The following TEX11 variants were observed in gnomAD, a reference collection of about 807,000 sequenced individuals.
TEX11 encodes testis-expressed protein 11.
In TEX11, 7 loss-of-function variants were observed where a neutral mutation model predicts 84.4. The observed-to-expected ratio is 0.08, with a 90% CI of 0.05 to 0.16. The LOEUF (loss-of-function observed/expected upper bound fraction) is 0.16. Ranked by LOEUF, TEX11 falls within the 10% of genes least tolerant of loss-of-function variation. TEX11 has a pLI of 1.00. For missense variants in TEX11, 551 were observed against 660.5 expected, an observed-to-expected ratio of 0.83 and a Z score of 1.82; for synonymous variants, 264 against 222.8, an observed-to-expected ratio of 1.18 and a Z score of -1.64.
At chrX:70,679,897 C>T (rs2090125688) in intron 14 of TEX11, among the ~76,000 whole-genome samples, 2 of 101,055 alleles carry the variant, frequency 2.0e-5, no homozygotes, top group African/African-American at 7.1e-5. Context: ...TGCCCGGCCG[C>T]CCCTACTGGG....
chrX:70,725,426 A>G (rs2090592171), intron 11 of TEX11, 83 bp from the exon 12 acceptor site: 1 of 614,135 alleles, frequency 1.6e-6, no homozygotes, highest in African/African-American at 2.2e-5. Context: ...GCTTTATTCA[A>G]CCACCTTGGG....
the TEX11 span, among the ~76,000 whole-genome samples, chrX:70,522,999 T>G: frequency 9.0e-6 from 1 of 110,577 alleles, no homozygotes; most frequent in Non-Finnish European, 1.9e-5. Flanking sequence ...ACAGAGGCCA[T>G]TTACAGCTTA....
intron 1 of TEX11, among the ~76,000 whole-genome samples, 164 bp downstream of exon 1, chrX:70,908,490 G>A (rs187010999): frequency 2.7e-5 from 3 of 112,381 alleles, no homozygotes; most frequent in East Asian, 2.8e-4. Context: ...ATCTTCGTTC[G>A]CCTTGAGAGC....
chrX:70,658,143 C>T (rs1004737646), intron 16 of TEX11, among the ~76,000 whole-genome samples: 1 of 111,527 alleles, frequency 9.0e-6, no homozygotes, highest in African/African-American at 3.3e-5. Context: ...GGTGGGGCGT[C>T]GTGACTCACA....
chrX:70,782,299 A>C, intron 9 of TEX11, among the ~76,000 whole-genome samples: 1 of 111,668 alleles, frequency 9.0e-6, no homozygotes, highest in Non-Finnish European at 1.9e-5. Context: ...AGCTTGCCTT[A>C]CAAGAGCTCC....
At chrX:70,848,640 C>G (rs2091491660) in intron 7 of TEX11, among the ~76,000 whole-genome samples, 2 of 111,866 alleles carry the variant, frequency 1.8e-5, no homozygotes, top group Non-Finnish European at 3.8e-5. Context: ...CACACATTTA[C>G]ATAATATATA....
rs1390175136 is a variant in TEX11, at chrX:70,750,933, A to AAAAAAAT, written c.693-6715_693-6714insATTTTTT. ...ACTTAAAGTATAATAAAAAAAAAAA[A>AAAAAAAT]ATATATATATATATATATATATATA... On this transcript the variant is annotated intron_variant, in intron 9 of 29. Transcript: ENST00000374333. Among the ~76,000 whole-genome samples the AAAAAAAT allele has an allele frequency of 1.4e-4, 4 of 28,196 alleles. No homozygotes were observed. The East Asian group carries it at 5.3e-3, about 37-fold the overall frequency. The allele number at this position is 28,196 out of a possible 115,157, so 24.5% of individuals were successfully genotyped here. A position where few individuals can be genotyped will look rare whatever the true frequency, so the allele number is the denominator to read the frequency against.
intron 9 of TEX11, among the ~76,000 whole-genome samples, chrX:70,789,143 C>A (rs2091103194): frequency 9.8e-6 from 1 of 102,555 alleles, no homozygotes; most frequent in Non-Finnish European, 2.0e-5. Context: ...GAGACCAGCA[C>A]AAGACCACTT....
chrX:70,594,190 G>T (rs1445113878), intron 24 of TEX11, among the ~76,000 whole-genome samples: 1 of 111,256 alleles, frequency 9.0e-6, no homozygotes, highest in Non-Finnish European at 1.9e-5. Flanking sequence ...AACAATAAAG[G>T]CCAGAAGGCA....
chrX:70,899,817 G>A (rs2091792063), intron 2 of TEX11, among the ~76,000 whole-genome samples: 1 of 83,314 alleles, frequency 1.2e-5, no homozygotes, highest in South Asian at 8.1e-4. Flanking sequence ...CTGCACTCCA[G>A]CCTGGGTGAC....
chrX:70,708,493 C>T (rs997958474), intron 13 of TEX11, among the ~76,000 whole-genome samples: 5 of 111,599 alleles, frequency 4.5e-5, no homozygotes, highest in African/African-American at 1.6e-4. Flanking sequence ...ACCTCACATG[C>T]ACTCATATGT....
chrX:70,637,150 G>T (rs777393869), intron 17 of TEX11, among the ~76,000 whole-genome samples: 5 of 112,090 alleles, frequency 4.5e-5, no homozygotes, highest in Non-Finnish European at 9.4e-5. Flanking sequence ...ATGAAAAATA[G>T]CTCAACATCA....
chrX:70,647,405 A>C (rs2089754299), intron 17 of TEX11, among the ~76,000 whole-genome samples: 1 of 111,505 alleles, frequency 9.0e-6, no homozygotes, highest in Non-Finnish European at 1.9e-5. Flanking sequence ...CTCACCACAA[A>C]AAAAATGCTA....
At chrX:70,831,405 C>G (rs1188880319) in intron 8 of TEX11, among the ~76,000 whole-genome samples, 1 of 111,122 alleles carries the variant, frequency 9.0e-6, no homozygotes, top group Non-Finnish European at 1.9e-5. Flanking sequence ...GGCAAGAGGA[C>G]TGCCTGAGCC....
chrX:70,890,821 C>T (rs904315295), intron 2 of TEX11, among the ~76,000 whole-genome samples: 2 of 112,469 alleles, frequency 1.8e-5, no homozygotes, highest in Admixed American at 9.4e-5. Context: ...CACACTTAAA[C>T]GTCCCTGTCT....
chrX:70,654,709 C>CAAAAAAAAAAAAAAAAAA (rs56822297), intron 16 of TEX11, among the ~76,000 whole-genome samples: 8 of 37,617 alleles, frequency 2.1e-4, no homozygotes, highest in African/African-American at 3.7e-4. Flanking sequence ...GACTCTGTCT[C>CAAAAAAAAAAAAAAAAAA]AAAAAAAAAA....
chrX:70,864,514 G>A (rs2091587209), intron 4 of TEX11, among the ~76,000 whole-genome samples: 1 of 108,835 alleles, frequency 9.2e-6, no homozygotes, highest in Middle Eastern at 4.6e-3. Flanking sequence ...GAGGTGGGCG[G>A]ATCACAAGGT....
intron 9 of TEX11, among the ~76,000 whole-genome samples, chrX:70,745,879 T>A (rs955584610): frequency 1.8e-5 from 2 of 111,834 alleles, no homozygotes; most frequent in Non-Finnish European, 3.8e-5. Flanking sequence ...TACATTAACC[T>A]TATACTTCCA....
chrX:70,651,868 C>A (rs1569380490), intron 16 of TEX11, among the ~76,000 whole-genome samples: 1 of 111,441 alleles, frequency 9.0e-6, no homozygotes, highest in Non-Finnish European at 1.9e-5. Context: ...ATTACCAAGG[C>A]AAAATCTAAG....
Sources: gnomAD v4.1 joint callset for allele counts (sites outside exome capture counted in the v4.1 genomes callset) on GRCh38, gnomAD v4.1.1 for gene constraint, MANE v1.5 for transcripts, NCBI Gene and HGNC (gene_info 2026-07-23, HGNC 2026-07-21) for gene names.